Variants in LSAMP observed in about 807,000 individuals in gnomAD.
LSAMP encodes limbic system-associated membrane protein.
LSAMP carries 7 observed loss-of-function variants against 38.6 expected under a neutral mutation model. The observed-to-expected ratio is 0.18, with a 90% CI of 0.10 to 0.34. LSAMP has a LOEUF of 0.34. LSAMP is among the 10% of genes least tolerant of loss of function. The pLI is 1.00. For missense variants in LSAMP, 313 were observed against 420.0 expected, an observed-to-expected ratio of 0.75 and a Z score of 2.23; for synonymous variants, 154 against 166.8, an observed-to-expected ratio of 0.92 and a Z score of 0.59.
At chr3:115,861,197 CCTTCCTTCCTTT>C (rs1935688944) in intron 3 of LSAMP, among the ~76,000 whole-genome samples, 2 of 112,494 alleles carry the variant, frequency 1.8e-5, no homozygotes, top group Non-Finnish European at 3.5e-5. Context: ...TTCCTTCCTT[CCTTCCTTCCTTT>C]CCTTCCTCCC....
chr3:116,275,938 T>A (rs909811343), intron 1 of LSAMP, among the ~76,000 whole-genome samples: 6 of 152,242 alleles, frequency 3.9e-5, no homozygotes, highest in African/African-American at 1.2e-4. Context: ...TGTAAACTTT[T>A]CATTTCATTA....
intron 1 of LSAMP, among the ~76,000 whole-genome samples, chr3:116,223,429 C>A (rs1050489051): frequency 2.6e-5 from 4 of 151,868 alleles, no homozygotes; most frequent in Non-Finnish European, 5.9e-5. Flanking sequence ...TCTAAATGTC[C>A]AAAATTGGGA....
intron 1 of LSAMP, among the ~76,000 whole-genome samples, chr3:116,156,584 G>A (rs751283511): frequency 6.6e-6 from 1 of 151,976 alleles, no homozygotes; most frequent in Non-Finnish European, 1.5e-5. Context: ...AGGAAAAATG[G>A]TTCAAAGTGC....
chr3:116,273,245 G>A (rs144609903), intron 1 of LSAMP, among the ~76,000 whole-genome samples: 11 of 151,878 alleles, frequency 7.2e-5, no homozygotes, highest in African/African-American at 2.2e-4. Context: ...GAACCCCCAC[G>A]GTTTCCCATT....
intron 2 of LSAMP, among the ~76,000 whole-genome samples, chr3:116,062,312 C>A (rs916932608): frequency 2.0e-5 from 3 of 152,098 alleles, no homozygotes; most frequent in African/African-American, 7.2e-5. Flanking sequence ...AGTTCGAGAC[C>A]AGCTTGGCCA....
At position 115,955,939 on chromosome 3, in the gene LSAMP, G is replaced by A. The variant is rs72957706; in HGVS notation, c.514+63576C>T. Among the ~76,000 whole-genome samples the A allele has an allele frequency of 2.5e-3, 388 of 152,252 alleles. 1 individual carries two copies. Among genetic ancestry groups the A allele is most frequent in the African/African-American group, 8.3e-3 (345 of 41,528 alleles). On this transcript the variant is annotated intron_variant, in intron 3 of 6. Coordinates refer to ENST00000490035, the MANE Select transcript of LSAMP (RefSeq NM_002338.5). ...AACTCCCAAAGCCCTCATTAGGCCA[G>A]CATCAGGCATTTTTTTAAAAGAGTT... is the stretch of plus-strand genomic sequence containing the variant.
chr3:115,868,256 T>C (rs1935917423), intron 3 of LSAMP, among the ~76,000 whole-genome samples: 1 of 152,104 alleles, frequency 6.6e-6, no homozygotes, highest in African/African-American at 2.4e-5. Context: ...GTATTAAACT[T>C]CATGTGCTGT....
At position 115,946,322 on chromosome 3, in the gene LSAMP, G is replaced by T. The variant is rs138378860; in HGVS notation, c.514+73193C>A. Among the ~76,000 whole-genome samples, 9 of 152,166 alleles carry T rather than the reference G, an allele frequency of 5.9e-5. No homozygotes were observed. In the South Asian group the frequency reaches 1.9e-3, roughly 32 times the overall value. The stretch of plus-strand genomic sequence containing the variant: ...AAAGAATAAAAACTTTCTGTTGGCC[G>T]GAAAGACTAACAGAACAAAAGGAAT... On this transcript the variant is annotated intron_variant, in intron 3 of 6. Transcript: ENST00000490035.
intron 3 of LSAMP, among the ~76,000 whole-genome samples, chr3:115,912,900 A>C (rs184491052): frequency 6.6e-6 from 1 of 152,116 alleles, no homozygotes; most frequent in Non-Finnish European, 1.5e-5. Flanking sequence ...TGTTCCTTAC[A>C]TCCTGAGGTC....
chr3:116,193,795 G>T (rs1710811649), intron 1 of LSAMP, among the ~76,000 whole-genome samples: 1 of 152,110 alleles, frequency 6.6e-6, no homozygotes, highest in African/African-American at 2.4e-5. Context: ...ACAGTGAAAT[G>T]AAGACTACAA....
At chr3:116,222,204 G>A (rs1161862925) in intron 1 of LSAMP, among the ~76,000 whole-genome samples, 1 of 151,716 alleles carries the variant, frequency 6.6e-6, no homozygotes, top group African/African-American at 2.4e-5. Flanking sequence ...TGTGTAAAAG[G>A]AGGGGGATTC....
intron 1 of LSAMP, among the ~76,000 whole-genome samples, chr3:116,293,149 A>G (rs147358238): frequency 1.0e-3 from 159 of 152,228 alleles, no homozygotes; most frequent in African/African-American, 3.6e-3. Context: ...TGGATGTCCA[A>G]TGTTACTGGT....
At chr3:115,983,536 GTAA>G (rs1052281193) in intron 3 of LSAMP, among the ~76,000 whole-genome samples, 1 of 151,810 alleles carries the variant, frequency 6.6e-6, no homozygotes, top group Non-Finnish European at 1.5e-5. Flanking sequence ...AAAAATAATA[GTAA>G]TAATAATAAT....
chr3:116,196,023 T>G (rs932971796), intron 1 of LSAMP, among the ~76,000 whole-genome samples: 5 of 152,016 alleles, frequency 3.3e-5, no homozygotes, highest in Non-Finnish European at 7.4e-5. Flanking sequence ...TGTTTGATAG[T>G]TAGTGCAAAG....
chr3:116,265,779 G>C (rs187130742), intron 1 of LSAMP, among the ~76,000 whole-genome samples: 12 of 152,082 alleles, frequency 7.9e-5, no homozygotes, highest in Non-Finnish European at 1.5e-5. Context: ...GATCCCATTA[G>C]GATTCTTTAG....
intron 1 of LSAMP, among the ~76,000 whole-genome samples, chr3:116,348,598 C>T (rs779831483): frequency 2.6e-5 from 4 of 152,074 alleles, no homozygotes; most frequent in Non-Finnish European, 4.4e-5. Context: ...GCCTTCATTT[C>T]CATTTCACCG....
At chr3:116,108,166 G>C (rs796182416) in intron 1 of LSAMP, among the ~76,000 whole-genome samples, 69 of 152,246 alleles carry the variant, frequency 4.5e-4, no homozygotes, top group African/African-American at 1.6e-3. Flanking sequence ...TATGGATTAA[G>C]GTGGGGGAAT....
At chr3:115,892,267 C>G (rs574737539) in intron 3 of LSAMP, among the ~76,000 whole-genome samples, 3 of 152,070 alleles carry the variant, frequency 2.0e-5, no homozygotes, top group African/African-American at 7.2e-5. Context: ...CCAACAGAAA[C>G]AGGTTCATAT....
At chr3:116,228,691 A>G (rs796469514) in intron 1 of LSAMP, among the ~76,000 whole-genome samples, 5 of 152,256 alleles carry the variant, frequency 3.3e-5, no homozygotes, top group African/African-American at 1.2e-4. Flanking sequence ...AAAACAATTT[A>G]GCAAAATAAG....
Sources: allele counts gnomAD v4.1 joint callset (sites outside exome capture counted in the v4.1 genomes callset), GRCh38; gene constraint gnomAD v4.1.1; transcripts MANE v1.5; gene names NCBI Gene and HGNC (gene_info 2026-07-23, HGNC 2026-07-21).